The following KAT14 variants were observed in gnomAD, a reference collection of about 807,000 sequenced individuals.
KAT14 encodes the protein cysteine-rich protein 2-binding protein.
KAT14 carries 66 observed loss-of-function variants against 78.4 expected under a neutral mutation model. The ratio of observed to expected loss-of-function variants is 0.84; its 90% CI spans 0.69 to 1.03. The LOEUF (loss-of-function observed/expected upper bound fraction) is 1.03. KAT14 is among the 50% of genes least tolerant of loss of function. The pLI, the probability that KAT14 is intolerant of heterozygous loss-of-function variation, is 0.00. For synonymous variants in KAT14, 344 were observed against 359.4 expected (o/e 0.96, Z 0.48); for missense variants, 870 against 972.5 (o/e 0.89, Z 1.40).
intron 7 of KAT14, among the ~76,000 whole-genome samples, chr20:18,178,522 TCTTA>T (rs1425861571): frequency 6.6e-6 from 1 of 152,148 alleles, no homozygotes; most frequent in Non-Finnish European, 1.5e-5. Context: ...CAAAAGCCAC[TCTTA>T]CATGGTGGTG....
intron 5 of KAT14, among the ~76,000 whole-genome samples, chr20:18,161,378 C>A (rs1254014024): frequency 6.6e-6 from 1 of 151,988 alleles, no homozygotes; most frequent in African/African-American, 2.4e-5. Context: ...TTTGCCAGTT[C>A]CAGTAGGTGA....
Position 18,157,435 on chromosome 20 carries a change from C to T in KAT14, c.501-1649C>T, listed in dbSNP as rs1452045014. On this transcript the variant is annotated intron_variant, in intron 4 of 10. Coordinates refer to ENST00000688188, the MANE Select transcript of KAT14 (RefSeq NM_001392073.1). ...ATGAGGTCTCACTATGTTGCCCAGA[C>T]TTCTGTTTGTTTATTGCAGTAAAAA... is the stretch of plus-strand genomic sequence containing the variant. 2.0e-5 allele frequency among the ~76,000 whole-genome samples: 3 copies of T among 152,266 alleles called. No individual in the cohort carries two copies. The East Asian group carries it at 5.8e-4, about 29-fold the overall frequency.
intron 3 of KAT14, among the ~76,000 whole-genome samples, chr20:18,148,279 C>T (rs2037897935): frequency 6.6e-6 from 1 of 152,174 alleles, no homozygotes; most frequent in African/African-American, 2.4e-5. Flanking sequence ...TAAAAAGCCC[C>T]TTCTTGCCAC....
chr20:18,163,064 G>GAAAA, intron 7 of KAT14, 119 bp downstream of exon 7: 1 of 1,320,840 alleles, frequency 7.6e-7, no homozygotes, highest in South Asian at 1.6e-5. Context: ...TTTGGGAAGA[G>GAAAA]AAAAGTAAAG....
chr20:18,159,685 AC>A (rs2038349153), intron 5 of KAT14, among the ~76,000 whole-genome samples: 1 of 152,128 alleles, frequency 6.6e-6, no homozygotes, highest in South Asian at 2.1e-4. Flanking sequence ...CCCCATTCTT[AC>A]AATTGGATTA....
At chr20:18,154,699 C>T (rs1303371444) in intron 4 of KAT14, among the ~76,000 whole-genome samples, 2 of 152,134 alleles carry the variant, frequency 1.3e-5, no homozygotes, top group Non-Finnish European at 2.9e-5. Flanking sequence ...ATTCTAAGAT[C>T]CATTAACTTT....
intron 7 of KAT14, among the ~76,000 whole-genome samples, chr20:18,173,385 C>T (rs909982447): frequency 6.6e-6 from 1 of 152,126 alleles, no homozygotes; most frequent in African/African-American, 2.4e-5. Context: ...AGTGGTTTGC[C>T]TTGTTATCTC....
intron 3 of KAT14, among the ~76,000 whole-genome samples, chr20:18,148,025 C>G (rs1298312996): frequency 6.6e-6 from 1 of 152,172 alleles, no homozygotes; most frequent in Non-Finnish European, 1.5e-5. Context: ...AAACAACTGA[C>G]CAGTATTTCT....
At chr20:18,158,708 G>T (rs2038307948) in intron 4 of KAT14, among the ~76,000 whole-genome samples, 1 of 152,310 alleles carries the variant, frequency 6.6e-6, no homozygotes, top group Non-Finnish European at 1.5e-5. Context: ...TTATTCTTGG[G>T]AGCTGTGCTT....
chr20:18,141,032 T>TTTTA (rs2037536076), intron 1 of KAT14, among the ~76,000 whole-genome samples: 1 of 17,014 alleles, frequency 5.9e-5, no homozygotes, highest in Non-Finnish European at 1.6e-4. Flanking sequence ...AATTTTTTTT[T>TTTTA]TTTTTTTTTT....
intron 7 of KAT14, among the ~76,000 whole-genome samples, chr20:18,177,373 C>T (rs1450215039): frequency 6.6e-6 from 1 of 152,132 alleles, no homozygotes; most frequent in Non-Finnish European, 1.5e-5. Context: ...ACTCAAAAGT[C>T]CCAGAAAGTT....
intron 4 of KAT14, among the ~76,000 whole-genome samples, chr20:18,154,505 C>G (rs2038154816): frequency 1.3e-5 from 2 of 152,124 alleles, no homozygotes; most frequent in South Asian, 4.1e-4. Flanking sequence ...TCTATGCCTT[C>G]CCTTGGAAAC....
intron 1 of KAT14, 83 bp downstream of exon 1, chr20:18,138,134 C>A: frequency 7.3e-7 from 1 of 1,362,522 alleles, no homozygotes. Flanking sequence ...CCGCTCGGTT[C>A]CTCAGCTCCT....
rs537897945 is a variant in KAT14 at position 18,181,856 on chromosome 20, G to GAACT, written c.1805+12_1805+15dup. The GAACT allele has an allele frequency of 2.1e-4, 338 of 1,613,170 alleles. 1 individual carries two copies. In the African/African-American group the frequency reaches 4.1e-3, roughly 20 times the overall value. ...TGAAACCTTATATCAGGTATATGGA[G>GAACT]AACTAGAGGTGTGATGTCAGGTGTG... On this transcript the variant is annotated intron_variant, in intron 8 of 10. Transcript: ENST00000688188.
At chr20:18,187,226 C>T in intron 10 of KAT14, 60 bp from the exon 11 acceptor site, 2 of 1,526,588 alleles carry the variant, frequency 1.3e-6, no homozygotes, top group South Asian at 1.3e-5. Context: ...GTTTCTTTAC[C>T]TACTCATTTT....
At position 18,182,582 on chromosome 20, in the gene KAT14, T is replaced by C. The variant is rs549980344; in HGVS notation, c.1806-541T>C. 4.6e-5 allele frequency among the ~76,000 whole-genome samples: 7 copies of C among 152,340 alleles called. No homozygotes were observed. The East Asian group carries it at 9.7e-4, about 21-fold the overall frequency. ...CCAGGCAATGAAATGGAAGCTGAGC[T>C]TGCTAGAGAGGACCCAGCAGTGTCT... On this transcript the variant is annotated intron_variant, in intron 8 of 10. Transcript: ENST00000688188.
chr20:18,161,535 A>G (rs987039456), intron 5 of KAT14, among the ~76,000 whole-genome samples: 3 of 152,218 alleles, frequency 2.0e-5, no homozygotes, highest in Non-Finnish European at 4.4e-5. Context: ...AAAAGAAACT[A>G]AAGTTGAGTA....
chr20:18,138,195 G>A (rs1242423821), intron 1 of KAT14, 144 bp downstream of exon 1: 21 of 1,267,308 alleles, frequency 1.7e-5, no homozygotes, highest in Non-Finnish European at 1.9e-5. Context: ...ACGCGTTTGC[G>A]GCTGCGGCCG....
At chr20:18,168,832 G>T (rs1350759279) in intron 7 of KAT14, among the ~76,000 whole-genome samples, 2 of 152,080 alleles carry the variant, frequency 1.3e-5, no homozygotes, top group Non-Finnish European at 2.9e-5. Context: ...TGACCTTCCT[G>T]AATGTGTGGT....
Sources: gnomAD v4.1 joint callset for allele counts (sites outside exome capture counted in the v4.1 genomes callset) on GRCh38, gnomAD v4.1.1 for gene constraint, MANE v1.5 for transcripts, NCBI Gene and HGNC (gene_info 2026-07-23, HGNC 2026-07-21) for gene names.